The following RASA2 variants were observed in gnomAD, a reference collection of about 807,000 sequenced individuals.
The protein encoded by RASA2 is RAS p21 protein activator 2.
In RASA2, 155 loss-of-function variants were observed where a neutral mutation model predicts 118.2. The ratio of observed to expected loss-of-function variants is 1.31; its 90% CI spans 1.15 to 1.50. The LOEUF (loss-of-function observed/expected upper bound fraction) is 1.50. RASA2 is among the 40% of genes most tolerant of loss of function. The pLI, the probability that RASA2 is intolerant of heterozygous loss-of-function variation, is 0.00. For synonymous variants in RASA2, 353 were observed against 349.1 expected (o/e 1.01, Z -0.12); for missense variants, 1,016 against 1,009.6 (o/e 1.01, Z -0.09).
At chr3:141,536,816 C>T (rs2082333776) in intron 4 of RASA2, among the ~76,000 whole-genome samples, 1 of 142,574 alleles carries the variant, frequency 7.0e-6, no homozygotes, top group Non-Finnish European at 1.5e-5. Flanking sequence ...GGTGTGATCT[C>T]AGTTCACCAC....
chr3:141,516,581 T>G (rs1332107299), intron 3 of RASA2, 150 bp downstream of exon 3: 7 of 656,002 alleles, frequency 1.1e-5, no homozygotes, highest in Non-Finnish European at 1.5e-5. Context: ...GAAATTTCAT[T>G]TTTAATTTGT....
intron 19 of RASA2, among the ~76,000 whole-genome samples, chr3:141,599,707 A>ATG (rs2107791874): frequency 6.8e-6 from 1 of 146,068 alleles, no homozygotes; most frequent in African/African-American, 2.4e-5. Flanking sequence ...TGACCTCCTT[A>ATG]TGTGATAAAG....
intron 9 of RASA2, among the ~76,000 whole-genome samples, chr3:141,562,959 C>T (rs923761550): frequency 6.6e-6 from 1 of 152,214 alleles, no homozygotes; most frequent in African/African-American, 2.4e-5. Flanking sequence ...GCGTGAGCCA[C>T]CGCACCTGGC....
intron 15 of RASA2, among the ~76,000 whole-genome samples, chr3:141,578,179 A>G (rs2083043399): frequency 6.6e-6 from 1 of 152,248 alleles, no homozygotes; most frequent in Non-Finnish European, 1.5e-5. Context: ...AGATAAGGAA[A>G]TCACAATACA....
chr3:141,531,944 A>G (rs2082266566), intron 4 of RASA2, among the ~76,000 whole-genome samples: 2 of 152,066 alleles, frequency 1.3e-5, no homozygotes, highest in South Asian at 4.1e-4. Context: ...TCACTTCCAT[A>G]AACTTTATAA....
chr3:141,516,987 T>C (rs1430212348), intron 3 of RASA2, among the ~76,000 whole-genome samples: 3 of 152,062 alleles, frequency 2.0e-5, no homozygotes, highest in Non-Finnish European at 4.4e-5. Context: ...TTGGCCAGGC[T>C]GATCTTAAAC....
intron 3 of RASA2, among the ~76,000 whole-genome samples, chr3:141,526,367 C>G (rs1208622654): frequency 6.6e-6 from 1 of 151,032 alleles, no homozygotes. Flanking sequence ...GTTTCAGAAA[C>G]TTGTTCCTTC....
intron 4 of RASA2, 43 bp from the exon 5 acceptor site, chr3:141,540,489 CA>C: frequency 6.8e-7 from 1 of 1,474,942 alleles, no homozygotes; most frequent in Non-Finnish European, 9.5e-7. Context: ...AATATTTTGT[CA>C]GTAAAATAGA....
At chr3:141,527,541 G>A (rs1364875781) in intron 3 of RASA2, among the ~76,000 whole-genome samples, 1 of 152,042 alleles carries the variant, frequency 6.6e-6, no homozygotes. Context: ...AAACTGTTAT[G>A]CATTGCCTTA....
intron 5 of RASA2, among the ~76,000 whole-genome samples, chr3:141,546,159 T>A (rs181028677): frequency 6.6e-6 from 1 of 152,358 alleles, no homozygotes; most frequent in Admixed American, 6.5e-5. Context: ...AGTGCCACAG[T>A]AACCATGAGA....
intron 2 of RASA2, among the ~76,000 whole-genome samples, chr3:141,515,164 T>A (rs1443841006): frequency 6.6e-6 from 1 of 152,218 alleles, no homozygotes; most frequent in African/African-American, 2.4e-5. Flanking sequence ...TAAAACTGAT[T>A]TAAAAATACC....
At chr3:141,504,033 C>T (rs1051477979) in intron 1 of RASA2, among the ~76,000 whole-genome samples, 3 of 152,176 alleles carry the variant, frequency 2.0e-5, no homozygotes, top group Non-Finnish European at 2.9e-5. Flanking sequence ...AAGTTATATA[C>T]ACACGCATTG....
intron 9 of RASA2, among the ~76,000 whole-genome samples, chr3:141,562,114 A>G (rs576079947): frequency 4.0e-5 from 6 of 151,610 alleles, no homozygotes; most frequent in Middle Eastern, 3.4e-3. Flanking sequence ...CACCATGCCG[A>G]GCTAATTTTT....
intron 1 of RASA2, among the ~76,000 whole-genome samples, chr3:141,492,845 C>T (rs2081654706): frequency 6.6e-6 from 1 of 152,134 alleles, no homozygotes; most frequent in African/African-American, 2.4e-5. Flanking sequence ...GCACGTAATA[C>T]ATATCGAAGG....
chr3:141,561,820 T>C (rs1054927266), intron 9 of RASA2, among the ~76,000 whole-genome samples: 1 of 152,238 alleles, frequency 6.6e-6, no homozygotes, highest in Non-Finnish European at 1.5e-5. Flanking sequence ...ATAGATAAAA[T>C]GAATTACTGG....
chr3:141,602,994 A>ACT (rs10663129), intron 19 of RASA2, among the ~76,000 whole-genome samples: 43,775 of 151,868 alleles, frequency 0.29, 6,585 homozygotes, highest in Non-Finnish European at 0.32. Flanking sequence ...AGCCAGTAAA[A>ACT]CTTGTATTTT....
chr3:141,585,722 C>T (rs1405927259), intron 17 of RASA2, among the ~76,000 whole-genome samples: 1 of 152,134 alleles, frequency 6.6e-6, no homozygotes, highest in African/African-American at 2.4e-5. Context: ...ATCACTTGAA[C>T]CCAGGAAGGA....
chr3:141,502,299 G>A (rs948349575), intron 1 of RASA2, among the ~76,000 whole-genome samples: 8 of 151,870 alleles, frequency 5.3e-5, no homozygotes, highest in African/African-American at 1.9e-4. Flanking sequence ...ATCTCCCTTT[G>A]TTACCTTAAT....
intron 5 of RASA2, among the ~76,000 whole-genome samples, chr3:141,550,106 C>G (rs1019810683): frequency 6.6e-6 from 1 of 152,070 alleles, no homozygotes; most frequent in Non-Finnish European, 1.5e-5. Flanking sequence ...TCAACATTGG[C>G]AAACATCACA....
Sources: allele counts gnomAD v4.1 joint callset (sites outside exome capture counted in the v4.1 genomes callset), GRCh38; gene constraint gnomAD v4.1.1; transcripts MANE v1.5; gene names NCBI Gene and HGNC (gene_info 2026-07-23, HGNC 2026-07-21).